The following PCDHGA6 variants were observed in gnomAD, a reference collection of about 807,000 sequenced individuals.
PCDHGA6 encodes the protein protocadherin gamma subfamily A, 6, also known as protocadherin gamma-A6.
In PCDHGA6, 41 loss-of-function variants were observed where a neutral mutation model predicts 60.6. The ratio of observed to expected loss-of-function variants is 0.68; its 90% CI spans 0.53 to 0.88. The LOEUF (loss-of-function observed/expected upper bound fraction) is 0.88, where lower values mean the gene tolerates loss of function less well. Ranked by LOEUF, PCDHGA6 falls within the 40% of genes least tolerant of loss-of-function variation. The probability of loss-of-function intolerance (pLI) is 0.00; values close to 1 mark genes in which losing one functional copy is unlikely to be tolerated. For synonymous variants in PCDHGA6, 594 were observed against 524.4 expected (o/e 1.13, Z -1.81); for missense variants, 1,312 against 1,203.0 (o/e 1.09, Z -1.34).
At chr5:141,405,545 AAGTAGAGTAGCTGGGACTAG>A (rs1053729516) in intron 1 of PCDHGA6, 17 of 631,162 alleles carry the variant, frequency 2.7e-5, no homozygotes, top group African/African-American at 9.2e-5. Flanking sequence ...TCAGCCTCCC[AAGTAGAGTAGCTGGGACTAG>A]AGTAGAGTAG....
chr5:141,510,795 G>T (rs994874330), intron 3 of PCDHGA6, 152 bp from the exon 4 acceptor site: 6 of 1,465,214 alleles, frequency 4.1e-6, no homozygotes. Flanking sequence ...CTTGTGAAGA[G>T]AGACTACCTT....
At chr5:141,462,314 A>C (rs1283684392) in intron 1 of PCDHGA6, among the ~76,000 whole-genome samples, 1 of 152,186 alleles carries the variant, frequency 6.6e-6, no homozygotes, top group Non-Finnish European at 1.5e-5. Flanking sequence ...TATATTTGTC[A>C]CTGATTTCTA....
At chr5:141,422,758 A>C (rs1237677806) in intron 1 of PCDHGA6, 3 of 1,613,032 alleles carry the variant, frequency 1.9e-6, no homozygotes, top group Non-Finnish European at 2.5e-6. Flanking sequence ...TATTAACTCC[A>C]ACACTGGTGT....
At chr5:141,500,887 T>C (rs557735403) in intron 2 of PCDHGA6, among the ~76,000 whole-genome samples, 1 of 95,622 alleles carries the variant, frequency 1.0e-5, no homozygotes, top group South Asian at 2.8e-4. Context: ...ATTTTTTTTT[T>C]TTGAGACAGT....
At position 141,491,724 on chromosome 5, in the gene PCDHGA6, G is replaced by A; in HGVS notation, c.2425-3083G>A. ...AGGTGAGGGGCTCGGCGCCGCCCCGGGCGACCCCTGGGGGCGGCACTGGAG... is the reference window on the plus strand; with the variant it reads ...AGGTGAGGGGCTCGGCGCCGCCCCGAGCGACCCCTGGGGGCGGCACTGGAG... On this transcript the variant is annotated intron_variant, in intron 1 of 3. Coordinates refer to ENST00000517434, the MANE Select transcript of PCDHGA6 (RefSeq NM_018919.3). This position sits in a 1 kb window ranked among gnomAD's most constrained non-coding sequence, Gnocchi z 6.9. 1 of 1,606,454 alleles carries A rather than the reference G, an allele frequency of 6.2e-7. No individual in the cohort carries two copies. The highest frequency in any genetic ancestry group is 1.1e-5 in the South Asian group (1 of 90,304).
chr5:141,501,311 AC>A (rs2099807696), intron 2 of PCDHGA6, among the ~76,000 whole-genome samples: 1 of 151,670 alleles, frequency 6.6e-6, no homozygotes, highest in Non-Finnish European at 1.5e-5. Context: ...ACACACACAC[AC>A]ACACACACAC....
intron 1 of PCDHGA6, chr5:141,423,072 G>A: frequency 1.2e-6 from 2 of 1,614,120 alleles, no homozygotes; most frequent in Non-Finnish European, 1.7e-6. Flanking sequence ...CCAGCGAGCC[G>A]GGACTCTTCG....
chr5:141,511,144 A>C lies in PCDHGA6; in HGVS notation c.2770A>C (p.Lys924Gln). 2 of 1,614,202 alleles carry C rather than the reference A, an allele frequency of 1.2e-6. No homozygotes were observed. The highest frequency in any genetic ancestry group is 1.7e-6 in the Non-Finnish European group (2 of 1,180,016). The change falls in exon 4 of 4, where the codon AAG becomes CAG. Residue 924 changes from lysine to glutamine, a missense_variant. By Grantham distance (53) the Lys-to-Gln change is moderately conservative. Transcript: ENST00000517434. Reference sequence around the variant, plus strand: ...CCCAGCAGGTGGCAATGGCAACAAGAAGAAGTCGGGCAAGAAGGAGAAGAA... The same window carrying C: ...CCCAGCAGGTGGCAATGGCAACAAGCAGAAGTCGGGCAAGAAGGAGAAGAA... ...KAPAGGNGNK[K>Q]KSGKKEKK
At chr5:141,453,321 T>TG (rs2098762672) in intron 1 of PCDHGA6, among the ~76,000 whole-genome samples, 2 of 151,876 alleles carry the variant, frequency 1.3e-5, no homozygotes, top group Admixed American at 6.6e-5. Context: ...ATTTTAGAGA[T>TG]GGGGTCTCAC....
chr5:141,489,101 T>A lies in PCDHGA6; in HGVS notation c.2425-5706T>A. 2 of 398,380 alleles carry A rather than the reference T, an allele frequency of 5.0e-6. No individual in the cohort carries two copies. Among genetic ancestry groups the A allele is most frequent in the Non-Finnish European group, 9.0e-6 (2 of 223,310 alleles). The allele number at this position is 398,380 out of a possible 1,614,324, so 24.7% of individuals were successfully genotyped here. ...CCGCCACTCGGTGACTAAGAACTGC[T>A]GCAAGCAGGCAAACCTCCGAGCAGT... On this transcript the variant is annotated intron_variant, in intron 1 of 3. Coordinates refer to ENST00000517434, the MANE Select transcript of PCDHGA6 (RefSeq NM_018919.3). This position sits in a 1 kb window ranked among gnomAD's most constrained non-coding sequence, Gnocchi z 4.5.
At chr5:141,421,966 G>A in intron 1 of PCDHGA6, 1 of 1,610,918 alleles carries the variant, frequency 6.2e-7, no homozygotes, top group Non-Finnish European at 8.5e-7. Flanking sequence ...TACACAGTCC[G>A]TATATCGCGT....
intron 1 of PCDHGA6, chr5:141,484,903 G>A: frequency 2.5e-6 from 1 of 407,434 alleles, no homozygotes; most frequent in Non-Finnish European, 4.4e-6. Context: ...CTCCAATGCT[G>A]CGACGCATTA....
rs2099612736 is a variant in PCDHGA6 at position 141,485,393 on chromosome 5, C to T, written c.2425-9414C>T. The T allele has an allele frequency of 6.2e-7, 1 of 1,614,154 alleles. No homozygotes were observed. The highest frequency in any genetic ancestry group is 1.7e-5 in the Admixed American group (1 of 60,020). ...GGTCGCTGGAGAGGTGAACCAAAGA[C>T]ACTTCCGTGTGGATTTGGACAGCGG... On this transcript the variant is annotated intron_variant, in intron 1 of 3. Coordinates refer to ENST00000517434, the MANE Select transcript of PCDHGA6 (RefSeq NM_018919.3). The surrounding 1 kb of genome is among the most constrained non-coding windows in gnomAD (Gnocchi z 5.7).
intron 1 of PCDHGA6, chr5:141,384,773 A>C (rs775593747): frequency 6.2e-6 from 10 of 1,613,726 alleles, no homozygotes; most frequent in Middle Eastern, 1.6e-4. Flanking sequence ...TACACGGGCG[A>C]GGTGCGCACG....
intron 1 of PCDHGA6, among the ~76,000 whole-genome samples, chr5:141,455,137 G>A (rs892739175): frequency 2.7e-5 from 4 of 150,642 alleles, no homozygotes; most frequent in African/African-American, 9.8e-5. Flanking sequence ...ATTACACTGT[G>A]TTAAATAAAT....
intron 3 of PCDHGA6, among the ~76,000 whole-genome samples, chr5:141,508,943 CAG>C (rs1562237475): frequency 1.3e-5 from 2 of 151,982 alleles, no homozygotes; most frequent in Admixed American, 6.6e-5. Context: ...TTAGGGAAAA[CAG>C]AGAAATGTCA....
chr5:141,479,860 C>T (rs1374284598), intron 1 of PCDHGA6, among the ~76,000 whole-genome samples: 2 of 152,108 alleles, frequency 1.3e-5, no homozygotes, highest in Admixed American at 6.5e-5. Context: ...AAGGCCTTTG[C>T]CCTGGAGAGA....
intron 1 of PCDHGA6, among the ~76,000 whole-genome samples, chr5:141,450,013 T>A (rs1178482524): frequency 7.4e-6 from 1 of 135,940 alleles, no homozygotes; most frequent in African/African-American, 3.2e-5. Flanking sequence ...TCTCTTTTTT[T>A]TTTTTTTTTT....
Position 141,432,123 on chromosome 5 carries a change from C to T in PCDHGA6, c.2424+55616C>T. 6.2e-7 allele frequency: 1 copy of T among 1,614,172 alleles called. No homozygotes were observed. The highest frequency in any genetic ancestry group is 8.5e-7 in the Non-Finnish European group (1 of 1,180,042). ...GACAACCCGCCGGTCTTCCCTCAGGCCTCCTATTCCGCTTATATCCCAGAG... is the reference window on the plus strand; with the variant it reads ...GACAACCCGCCGGTCTTCCCTCAGGTCTCCTATTCCGCTTATATCCCAGAG... On this transcript the variant is annotated intron_variant, in intron 1 of 3. Coordinates refer to ENST00000517434, the MANE Select transcript of PCDHGA6 (RefSeq NM_018919.3). The surrounding 1 kb of genome is among the most constrained non-coding windows in gnomAD (Gnocchi z 6.0).
Sources: gnomAD v4.1 joint callset for allele counts (sites outside exome capture counted in the v4.1 genomes callset) on GRCh38, gnomAD v4.1.1 for gene constraint, Gnocchi (gnomAD v3.1) non-coding constraint, MANE v1.5 for transcripts, NCBI Gene and HGNC (gene_info 2026-07-23, HGNC 2026-07-21) for gene names.